ANKRD30B: variants seen among roughly 807,000 people sequenced by gnomAD.
ANKRD30B encodes the protein ankyrin repeat domain 30B.
ANKRD30B carries 144 observed loss-of-function variants against 202.2 expected under a neutral mutation model. The ratio of observed to expected loss-of-function variants is 0.71; its 90% CI spans 0.62 to 0.82. The LOEUF (loss-of-function observed/expected upper bound fraction) is 0.82, where lower values mean the gene tolerates loss of function less well. ANKRD30B is among the 40% of genes least tolerant of loss of function. The probability of loss-of-function intolerance (pLI) is 0.00; values close to 1 mark genes in which losing one functional copy is unlikely to be tolerated. For synonymous variants in ANKRD30B, 508 were observed against 561.3 expected (o/e 0.91, Z 1.34); for missense variants, 1,487 against 1,669.1 (o/e 0.89, Z 1.90).
chr18:14,867,740 C>T, the ANKRD30B span, among the ~76,000 whole-genome samples: 1 of 152,140 alleles, frequency 6.6e-6, no homozygotes, highest in Non-Finnish European at 1.5e-5. Context: ...ACTGTGGTGT[C>T]TCCAGTCCCC....
intron 30 of ANKRD30B, among the ~76,000 whole-genome samples, 155 bp from the exon 31 acceptor site, chr18:14,822,328 T>C (rs957954606): frequency 6.6e-6 from 1 of 152,052 alleles, no homozygotes; most frequent in Admixed American, 6.6e-5. Context: ...CTCTGGCATG[T>C]TAACAAACAC....
chr18:14,766,135 T>C (rs541935199), intron 7 of ANKRD30B, among the ~76,000 whole-genome samples: 1 of 151,936 alleles, frequency 6.6e-6, no homozygotes, highest in Non-Finnish European at 1.5e-5. Flanking sequence ...GGTCTTAAGT[T>C]TACAGACTGT....
chr18:14,883,535 A>G, the ANKRD30B span: 1 of 149,136 alleles, frequency 6.7e-6, no homozygotes, highest in African/African-American at 2.5e-5. Context: ...AAGTCTTTTT[A>G]GGTCTTATTC....
intron 10 of ANKRD30B, among the ~76,000 whole-genome samples, chr18:14,779,360 A>T (rs544936355): frequency 3.3e-5 from 5 of 152,228 alleles, no homozygotes; most frequent in African/African-American, 1.2e-4. Context: ...AGGAAAGACT[A>T]TCTCATTGTA....
chr18:14,829,113 C>G (rs1970793698), intron 33 of ANKRD30B, among the ~76,000 whole-genome samples: 1 of 152,016 alleles, frequency 6.6e-6, no homozygotes, highest in African/African-American at 2.4e-5. Flanking sequence ...TCTCTGCTTT[C>G]CTTGGTGTTC....
At chr18:14,861,342 A>G in the ANKRD30B span, among the ~76,000 whole-genome samples, 2 of 152,344 alleles carry the variant, frequency 1.3e-5, no homozygotes, top group Middle Eastern at 3.4e-3. Flanking sequence ...AACTGGATAA[A>G]AAAAAGAAGA....
the ANKRD30B span, among the ~76,000 whole-genome samples, chr18:14,931,891 T>C: frequency 6.8e-6 from 1 of 147,230 alleles, no homozygotes. Flanking sequence ...GAGGAGGCCC[T>C]CTGTCCCAGG....
intron 28 of ANKRD30B, among the ~76,000 whole-genome samples, chr18:14,810,409 T>A (rs1225760808): frequency 6.6e-6 from 1 of 151,276 alleles, no homozygotes; most frequent in Non-Finnish European, 1.5e-5. Context: ...TTCTTTAATA[T>A]CCCGATAGTG....
At chr18:14,777,687 A>G (rs1197273016) in intron 9 of ANKRD30B, among the ~76,000 whole-genome samples, 1 of 151,898 alleles carries the variant, frequency 6.6e-6, no homozygotes, top group Non-Finnish European at 1.5e-5. Context: ...TCAAGCCATA[A>G]TCCCAGTGCT....
intron 14 of ANKRD30B, among the ~76,000 whole-genome samples, 156 bp from the exon 15 acceptor site, chr18:14,786,883 G>T (rs558019598): frequency 1.3e-5 from 2 of 152,278 alleles, no homozygotes; most frequent in East Asian, 3.9e-4. Context: ...TTCTGATGGA[G>T]TGACTATAGA....
intron 9 of ANKRD30B, among the ~76,000 whole-genome samples, chr18:14,775,558 A>T (rs1305574802): frequency 6.6e-6 from 1 of 152,232 alleles, no homozygotes; most frequent in Non-Finnish European, 1.5e-5. Flanking sequence ...AGTTGGATAA[A>T]CATGAGAAAT....
chr18:14,839,709 C>A (rs777198442), intron 36 of ANKRD30B, among the ~76,000 whole-genome samples: 3 of 151,968 alleles, frequency 2.0e-5, no homozygotes, highest in African/African-American at 4.8e-5. Flanking sequence ...CCTTATGAAT[C>A]TTTCCTTTTA....
At chr18:14,910,484 A>AAAAAAAAATATATAT in the ANKRD30B span, among the ~76,000 whole-genome samples, 1 of 147,660 alleles carries the variant, frequency 6.8e-6, no homozygotes, top group African/African-American at 2.5e-5. Context: ...ACAATGTAAA[A>AAAAAAAAATATATAT]ATATATATAT....
chr18:14,928,368 T>C, the ANKRD30B span, among the ~76,000 whole-genome samples: 1 of 152,326 alleles, frequency 6.6e-6, no homozygotes, highest in African/African-American at 2.4e-5. Context: ...AGGATGTTTC[T>C]GGATGATAGA....
intron 30 of ANKRD30B, among the ~76,000 whole-genome samples, chr18:14,821,999 T>C (rs575245657): frequency 1.4e-4 from 21 of 152,292 alleles, no homozygotes; most frequent in African/African-American, 4.6e-4. Context: ...TTTGCAATTC[T>C]TAAATTACAG....
At chr18:14,873,924 C>T in the ANKRD30B span, among the ~76,000 whole-genome samples, 1 of 152,104 alleles carries the variant, frequency 6.6e-6, no homozygotes, top group Non-Finnish European at 1.5e-5. Context: ...TCTTAACCTG[C>T]CAGCACTTGT....
intron 36 of ANKRD30B, 94 bp downstream of exon 36, chr18:14,837,770 G>A (rs1971241021): frequency 8.0e-7 from 1 of 1,243,524 alleles, no homozygotes; most frequent in African/African-American, 1.6e-5. Context: ...TCTCACCTCT[G>A]ATTATGTCCA....
chr18:14,880,522 C>T, the ANKRD30B span, among the ~76,000 whole-genome samples: 6 of 149,782 alleles, frequency 4.0e-5, no homozygotes, highest in Non-Finnish European at 8.9e-5. Context: ...CATGGGGATG[C>T]GTTTCCATTT....
the ANKRD30B span, among the ~76,000 whole-genome samples, chr18:14,939,608 C>G: frequency 2.6e-5 from 4 of 152,146 alleles, no homozygotes; most frequent in Admixed American, 1.3e-4. Context: ...CTGTGTGTGC[C>G]CTGGATCAAT....
Sources: allele counts gnomAD v4.1 joint callset (sites outside exome capture counted in the v4.1 genomes callset), GRCh38; gene constraint gnomAD v4.1.1; transcripts MANE v1.5; gene names NCBI Gene and HGNC (gene_info 2026-07-23, HGNC 2026-07-21).